RBMS1: variants seen among roughly 807,000 people sequenced by gnomAD.
RBMS1 encodes RNA binding motif single stranded interacting protein 1, also known as RNA-binding motif, single-stranded-interacting protein 1.
In RBMS1, 17 loss-of-function variants were observed where a neutral mutation model predicts 62.3. That is an observed-to-expected ratio of 0.27 (90% CI 0.19 to 0.41). The LOEUF is 0.41. RBMS1 is among the 10% of genes least tolerant of loss of function. The pLI, the probability that RBMS1 is intolerant of heterozygous loss-of-function variation, is 1.00. For synonymous variants in RBMS1, 172 were observed against 170.0 expected (o/e 1.01, Z -0.09); for missense variants, 334 against 504.5 (o/e 0.66, Z 3.24).
intron 4 of RBMS1, among the ~76,000 whole-genome samples, chr2:160,309,783 G>C (rs1189455931): frequency 6.6e-6 from 1 of 152,132 alleles, no homozygotes; most frequent in African/African-American, 2.4e-5. Context: ...CATCCCTGGA[G>C]GGGTTAAATG....
chr2:160,356,874 C>T (rs550130886), intron 2 of RBMS1, among the ~76,000 whole-genome samples: 36 of 152,108 alleles, frequency 2.4e-4, no homozygotes, highest in Non-Finnish European at 4.7e-4. Flanking sequence ...GCATAGTTAT[C>T]GGGAGACAAC....
chr2:160,385,652 A>C (rs1694530708), intron 1 of RBMS1, among the ~76,000 whole-genome samples: 1 of 152,236 alleles, frequency 6.6e-6, no homozygotes, highest in Non-Finnish European at 1.5e-5. Flanking sequence ...CTCATCACTT[A>C]GGACAACTGA....
chr2:160,365,949 C>A (rs1254584671), intron 2 of RBMS1, among the ~76,000 whole-genome samples: 1 of 152,222 alleles, frequency 6.6e-6, no homozygotes, highest in Non-Finnish European at 1.5e-5. Flanking sequence ...AAGAGCTGGG[C>A]TTGCTTTCAC....
At position 160,493,572 on chromosome 2, in the gene RBMS1, T is replaced by TCCTCG; in HGVS notation, c.-210_-209insCGAGG. 4.7e-6 allele frequency: 2 copies of TCCTCG among 422,306 alleles called. No homozygotes were observed. The highest frequency in any genetic ancestry group is 8.4e-6 in the Non-Finnish European group (2 of 238,660). 26.2% of individuals were successfully genotyped at this position (422,306 alleles called of 1,614,324 possible). On this transcript the variant is annotated 5_prime_UTR_variant, in exon 1 of 14. Coordinates refer to ENST00000348849, the MANE Select transcript of RBMS1 (RefSeq NM_016836.4). ...CCTCCTCCTCCTCCTCCTCCTCCTC[T>TCCTCG]TCCTCCTCCTCCTCCTCCTCCCAGG...
chr2:160,303,965 G>C (rs995438451), intron 4 of RBMS1, among the ~76,000 whole-genome samples: 1 of 151,972 alleles, frequency 6.6e-6, no homozygotes, highest in East Asian at 1.9e-4. Flanking sequence ...CTGCTCTATG[G>C]CAAAGTTCAC....
At chr2:160,378,753 A>G (rs1272024482) in intron 1 of RBMS1, among the ~76,000 whole-genome samples, 2 of 152,170 alleles carry the variant, frequency 1.3e-5, no homozygotes, top group Admixed American at 1.3e-4. Context: ...GTCTCCCTAT[A>G]TATGTCACAA....
rs114150418 is a variant in RBMS1 at position 160,422,644 on chromosome 2, C to T, written c.76-55253G>A. ...ACCCCTCACAGCTCCCCCCGCCCCACCACATTTAATTTACTTAACAAACCT... is the reference window on the plus strand; with the variant it reads ...ACCCCTCACAGCTCCCCCCGCCCCATCACATTTAATTTACTTAACAAACCT... On this transcript the variant is annotated intron_variant, in intron 1 of 13. Coordinates refer to ENST00000348849, the MANE Select transcript of RBMS1 (RefSeq NM_016836.4). Among the ~76,000 whole-genome samples the T allele has an allele frequency of 3.5e-3, 527 of 151,884 alleles. 2 individuals carry two copies. The highest frequency in any genetic ancestry group is 5.9e-3 in the Non-Finnish European group (401 of 67,938).
chr2:160,279,054 G>A, intron 10 of RBMS1: 1 of 160,000 alleles, frequency 6.3e-6, no homozygotes, highest in Admixed American at 5.9e-5. Flanking sequence ...AAAAAAATCT[G>A]GAAAAAAAAG....
intron 6 of RBMS1, among the ~76,000 whole-genome samples, chr2:160,300,016 T>C (rs1689128949): frequency 6.6e-6 from 1 of 151,964 alleles, no homozygotes; most frequent in African/African-American, 2.4e-5. Flanking sequence ...AGGGATGGGG[T>C]GCAAGAAAAA....
In RBMS1 at chr2:160,291,594, G is replaced by A. The variant is rs980472366; in HGVS notation, c.641-4510C>T. Among the ~76,000 whole-genome samples, 10 of 152,246 alleles carry A rather than the reference G, an allele frequency of 6.6e-5. 1 individual carries two copies. The highest frequency in any genetic ancestry group is 1.9e-4 in the African/African-American group (8 of 41,530). ...AGAGCTACAGCTTTTCTCTGTGGACGTTCTTCCTCCCGAGGCTGTTTAGGT... is the reference window on the plus strand; with the variant it reads ...AGAGCTACAGCTTTTCTCTGTGGACATTCTTCCTCCCGAGGCTGTTTAGGT... On this transcript the variant is annotated intron_variant, in intron 6 of 13. Coordinates refer to ENST00000348849, the MANE Select transcript of RBMS1 (RefSeq NM_016836.4).
chr2:160,470,128 TC>T (rs1318588328), intron 1 of RBMS1, among the ~76,000 whole-genome samples: 1 of 152,162 alleles, frequency 6.6e-6, no homozygotes, highest in East Asian at 1.9e-4. Context: ...CACATCACAC[TC>T]CCCAATATTA....
chr2:160,490,690 G>A (rs1685787101), intron 1 of RBMS1, among the ~76,000 whole-genome samples: 1 of 152,068 alleles, frequency 6.6e-6, no homozygotes, highest in East Asian at 1.9e-4. Context: ...TTAAAAGTAT[G>A]GTAACAAAAC....
At chr2:160,359,258 T>C (rs1692988184) in intron 2 of RBMS1, among the ~76,000 whole-genome samples, 1 of 152,210 alleles carries the variant, frequency 6.6e-6, no homozygotes, top group Non-Finnish European at 1.5e-5. Context: ...GGCGTTGCTT[T>C]AGAATGATGC....
intron 9 of RBMS1, chr2:160,283,929 C>T (rs1688232633): frequency 6.6e-6 from 1 of 152,060 alleles, no homozygotes; most frequent in Non-Finnish European, 1.5e-5. Context: ...TCCTCTAACC[C>T]CAGAAATTAG....
chr2:160,346,955 A>G (rs542880506), intron 2 of RBMS1, among the ~76,000 whole-genome samples: 2 of 152,170 alleles, frequency 1.3e-5, no homozygotes, highest in Non-Finnish European at 2.9e-5. Context: ...AATGATTATG[A>G]AAGAAACTTC....
chr2:160,470,520 T>C lies in RBMS1; in HGVS notation c.75+22769A>G, dbSNP rs773520938. On this transcript the variant is annotated intron_variant, in intron 1 of 13. Coordinates refer to ENST00000348849, the MANE Select transcript of RBMS1 (RefSeq NM_016836.4). The stretch of plus-strand genomic sequence containing the variant: ...TCGTTATTGTTAATAACAATGTTCC[T>C]TATTATAGTAAATTCTATCATAGTC... Among the ~76,000 whole-genome samples the C allele has an allele frequency of 2.0e-5, 3 of 152,262 alleles. No homozygotes were observed. In the East Asian group the frequency reaches 5.8e-4, roughly 29 times the overall value.
At chr2:160,323,424 C>A (rs62177268) in intron 2 of RBMS1, among the ~76,000 whole-genome samples, 1 of 151,612 alleles carries the variant, frequency 6.6e-6, no homozygotes, top group Non-Finnish European at 1.5e-5. Flanking sequence ...TGCAATGAGC[C>A]AGGACTGCGT....
chr2:160,396,322 GTAGT>G (rs757654094), intron 1 of RBMS1, among the ~76,000 whole-genome samples: 4 of 152,156 alleles, frequency 2.6e-5, no homozygotes, highest in Non-Finnish European at 5.9e-5. Flanking sequence ...TATTACAACA[GTAGT>G]TAGAGGGAGG....
At chr2:160,431,747 A>G (rs1022225379) in intron 1 of RBMS1, among the ~76,000 whole-genome samples, 4 of 152,208 alleles carry the variant, frequency 2.6e-5, no homozygotes, top group African/African-American at 9.7e-5. Flanking sequence ...TTCTCTATGC[A>G]TGGAATGCTC....
Sources: gnomAD v4.1 joint callset for allele counts (sites outside exome capture counted in the v4.1 genomes callset) on GRCh38, gnomAD v4.1.1 for gene constraint, MANE v1.5 for transcripts, NCBI Gene and HGNC (gene_info 2026-07-23, HGNC 2026-07-21) for gene names.